CD46: variants seen among roughly 807,000 people sequenced by gnomAD.
The protein encoded by CD46 is membrane cofactor protein.
Under a neutral mutation model 53.3 loss-of-function variants are expected in CD46, and 30 were observed. The observed-to-expected ratio is 0.56, with a 90% confidence interval of 0.42 to 0.76. The LOEUF is 0.76. Among genes scored for constraint, CD46 ranks in the 30% least tolerant of loss-of-function variants. The pLI is 0.00. For synonymous variants in CD46, 142 were observed against 152.0 expected (o/e 0.93, Z 0.48); for missense variants, 409 against 463.0 (o/e 0.88, Z 1.07).
intron 8 of CD46, among the ~76,000 whole-genome samples, chr1:207,775,112 CT>C (rs1318512524): frequency 6.6e-5 from 10 of 152,188 alleles, no homozygotes; most frequent in African/African-American, 2.4e-4. Flanking sequence ...ATCTTGTCTT[CT>C]TTTTTTCATT....
At chr1:207,756,903 T>C in intron 1 of CD46, 111 bp from the exon 2 acceptor site, 1 of 835,010 alleles carries the variant, frequency 1.2e-6, no homozygotes, top group East Asian at 2.5e-5. Context: ...TTTAAAATCT[T>C]GCCAAGGGCC....
At chr1:207,781,551 A>T (rs1199352201) in intron 8 of CD46, among the ~76,000 whole-genome samples, 1 of 152,070 alleles carries the variant, frequency 6.6e-6, no homozygotes, top group African/African-American at 2.4e-5. Context: ...TGAGAGTTTT[A>T]TAGTTTTACC....
At position 207,752,354 on chromosome 1, in the gene CD46, C is replaced by G. The variant is rs1655016886; in HGVS notation, c.97+45C>G. ...TCGCGCGTCCGCGGCGAGACTAGAG[C>G]TCTCCTCAGTCGGGCAAGAGTCGCG... On this transcript the variant is annotated intron_variant, in intron 1 of 12. Transcript: ENST00000367042. This position sits in a 1 kb window ranked among gnomAD's most constrained non-coding sequence, Gnocchi z 4.1. The G allele has an allele frequency of 1.9e-6, 3 of 1,560,612 alleles. No individual in the cohort carries two copies. The highest frequency in any genetic ancestry group is 2.6e-6 in the Non-Finnish European group (3 of 1,132,122).
chr1:207,762,066 A>G (rs1656277079), intron 5 of CD46, among the ~76,000 whole-genome samples: 2 of 152,248 alleles, frequency 1.3e-5, no homozygotes, highest in South Asian at 2.1e-4. Context: ...GAAAATTGAA[A>G]TCATTCAACA....
At chr1:207,782,190 T>A (rs115323291) in intron 8 of CD46, among the ~76,000 whole-genome samples, 1,629 of 152,298 alleles carry the variant, frequency 0.011, 15 homozygotes, top group Non-Finnish European at 0.019. Context: ...ACAAATGATA[T>A]TGTTTTCTTA....
chr1:207,768,054 TTATATA>T, intron 7 of CD46: 3 of 504,264 alleles, frequency 5.9e-6, no homozygotes, highest in Admixed American at 3.3e-5. Flanking sequence ...TTGAATGTGT[TTATATA>T]TATATGTTTA....
intron 5 of CD46, among the ~76,000 whole-genome samples, chr1:207,763,769 G>A (rs1241022044): frequency 6.7e-6 from 1 of 150,168 alleles, no homozygotes; most frequent in Non-Finnish European, 1.5e-5. Flanking sequence ...TTCTTTTAAG[G>A]TTCAAATAAG....
At chr1:207,761,203 G>T (rs377549127) in intron 4 of CD46, 46 bp from the exon 5 acceptor site, 4 of 1,266,240 alleles carry the variant, frequency 3.2e-6, no homozygotes, top group Non-Finnish European at 4.6e-6. Context: ...TACTAATGCT[G>T]TCTTAATCTT....
intron 8 of CD46, among the ~76,000 whole-genome samples, chr1:207,777,820 G>T (rs987715588): frequency 6.6e-6 from 1 of 152,114 alleles, no homozygotes; most frequent in Non-Finnish European, 1.5e-5. Context: ...GGGATTGCTG[G>T]GTTGAATGGT....
rs746663934 is a variant in CD46, at chr1:207,757,083, T to C, written c.167T>C (p.Ile56Thr). Residue 56 changes from isoleucine (I) to threonine (T), a missense_variant, in exon 2 of 13, where the codon ATT becomes ACT. Coordinates refer to ENST00000367042, the MANE Select transcript of CD46 (RefSeq NM_172351.3). Reference sequence around the variant, plus strand: ...GGTAAACCAAAACCCTACTATGAGATTGGTGAACGAGTAGATTATAAGTGT... The same window carrying C: ...GGTAAACCAAAACCCTACTATGAGACTGGTGAACGAGTAGATTATAAGTGT... ...LIGKPKPYYE[I>T]GERVDYKCKK... is the part of the protein sequence containing the mutation. 9.3e-5 allele frequency: 150 copies of C among 1,613,990 alleles called. No homozygotes were observed. The highest frequency in any genetic ancestry group is 1.6e-4 in the Middle Eastern group (1 of 6,084).
intron 8 of CD46, among the ~76,000 whole-genome samples, chr1:207,782,905 G>A (rs912380201): frequency 2.7e-5 from 4 of 150,798 alleles, no homozygotes; most frequent in Admixed American, 1.3e-4. Context: ...CGCCTGCCTC[G>A]GCCTCCCAAA....
intron 5 of CD46, among the ~76,000 whole-genome samples, chr1:207,761,935 A>C (rs958826031): frequency 1.3e-5 from 2 of 152,196 alleles, no homozygotes; most frequent in African/African-American, 4.8e-5. Flanking sequence ...GGACTTGCCC[A>C]TTTAAAGAAA....
rs1330297220 is a variant in CD46 at position 207,767,419 on chromosome 1, C to T, written c.856+224C>T. The T allele has an allele frequency of 4.4e-5, 31 of 698,736 alleles. No individual in the cohort carries two copies. In the East Asian group the frequency reaches 4.8e-4, roughly 11 times the overall value. 43.3% of individuals were successfully genotyped at this position (698,736 alleles called of 1,614,324 possible). A position where few individuals can be genotyped will look rare whatever the true frequency, so the allele number is the denominator to read the frequency against. ...TTGTGCTTTTCCAGGGTTCTTAGCA[C>T]GTTATGTACATTGCATGGGTATATG... On this transcript the variant is annotated intron_variant, in intron 6 of 12. Transcript: ENST00000367042.
intron 9 of CD46, among the ~76,000 whole-genome samples, chr1:207,784,447 G>A (rs1054116087): frequency 1.1e-4 from 16 of 152,172 alleles, no homozygotes; most frequent in African/African-American, 3.4e-4. Context: ...TAAATAACCT[G>A]ATGTGGTAGC....
chr1:207,776,768 A>G (rs1658160400), intron 8 of CD46, among the ~76,000 whole-genome samples: 1 of 151,806 alleles, frequency 6.6e-6, no homozygotes, highest in Admixed American at 6.5e-5. Flanking sequence ...AGCTGGAACT[A>G]CAGGCACCTG....
Position 207,783,322 on chromosome 1 carries a change from A to G in CD46, c.974A>G (p.Asp325Gly). 6.5e-7 allele frequency: 1 copy of G among 1,538,396 alleles called. No individual in the cohort carries two copies. Among genetic ancestry groups the G allele is most frequent in the Non-Finnish European group, 9.0e-7 (1 of 1,111,848 alleles). The change falls in exon 9 of 13, where the codon GAC becomes GGC. Residue 325 changes from aspartate (D) to glycine (G), a missense_variant. Asp to Gly is a moderately conservative substitution (Grantham distance 94, BLOSUM62 -1). Coordinates refer to ENST00000367042, the MANE Select transcript of CD46 (RefSeq NM_172351.3). ...CCTAAACCTGAGGAAGGAATACTTG[A>G]CAGTTTGGGTTGGTATAGCTATCAT... ...GYPKPEEGIL[D>G]SLDVWVIAVI...
intron 8 of CD46, among the ~76,000 whole-genome samples, chr1:207,777,619 C>T (rs1040872037): frequency 3.0e-4 from 45 of 152,146 alleles, no homozygotes; most frequent in African/African-American, 8.2e-4. Flanking sequence ...GACATGCGCT[C>T]GTTCTTTTTT....
intron 8 of CD46, among the ~76,000 whole-genome samples, chr1:207,781,736 TG>T (rs919111413): frequency 6.6e-6 from 1 of 152,250 alleles, no homozygotes; most frequent in Admixed American, 6.5e-5. Context: ...TGACCATATA[TG>T]CAGGGGTTTA....
chr1:207,790,183 G>T, intron 11 of CD46, 70 bp from the exon 12 acceptor site: 1 of 813,860 alleles, frequency 1.2e-6, no homozygotes, highest in South Asian at 1.3e-5. Flanking sequence ...TATCCCACTT[G>T]TTATGCTACT....
Sources: gnomAD v4.1 joint callset for allele counts (sites outside exome capture counted in the v4.1 genomes callset) on GRCh38, gnomAD v4.1.1 for gene constraint, Gnocchi (gnomAD v3.1) non-coding constraint, MANE v1.5 for transcripts, NCBI Gene and HGNC (gene_info 2026-07-23, HGNC 2026-07-21) for gene names.